The following GLMN variants were observed in gnomAD, a reference collection of about 807,000 sequenced individuals.
The protein encoded by GLMN is glomulin.
In GLMN, 75 loss-of-function variants were observed where a neutral mutation model predicts 87.8. The observed-to-expected ratio is 0.85, with a 90% CI of 0.71 to 1.04. The LOEUF (loss-of-function observed/expected upper bound fraction) is 1.04, where lower values mean the gene tolerates loss of function less well. GLMN is among the 50% of genes least tolerant of loss of function. GLMN has a pLI of 0.00. For missense variants in GLMN, 588 were observed against 658.8 expected (o/e 0.89, Z 1.18); for synonymous variants, 206 against 221.6 (o/e 0.93, Z 0.63).
chr1:92,314,895 A>G, the GLMN span, among the ~76,000 whole-genome samples: 1 of 150,884 alleles, frequency 6.6e-6, no homozygotes, highest in Non-Finnish European at 1.5e-5. Flanking sequence ...AAATACAAAA[A>G]TTAACCGGGC....
At chr1:92,264,291 T>C (rs1394453295) in intron 14 of GLMN, among the ~76,000 whole-genome samples, 2 of 152,004 alleles carry the variant, frequency 1.3e-5, no homozygotes, top group African/African-American at 4.8e-5. Context: ...CCAAGCTGGG[T>C]GACAGGCGTG....
In GLMN at chr1:92,280,886, A is replaced by G. The variant is rs2100987188; in HGVS notation, c.735+5604T>C. 2.0e-5 allele frequency among the ~76,000 whole-genome samples: 3 copies of G among 152,370 alleles called. No individual in the cohort carries two copies. The South Asian group carries it at 6.2e-4, about 32-fold the overall frequency. On this transcript the variant is annotated intron_variant, in intron 7 of 18. Coordinates refer to ENST00000370360, the MANE Select transcript of GLMN (RefSeq NM_053274.3). ...GGTATCAGTGACTGAAGATCCAATT[A>G]ATGAAATAAAGCAAGAAGACAAGAT...
At chr1:92,261,796 T>C (rs1188917005) in intron 16 of GLMN, among the ~76,000 whole-genome samples, 1 of 119,780 alleles carries the variant, frequency 8.3e-6, no homozygotes, top group African/African-American at 3.1e-5. Context: ...GCAGTTTACT[T>C]TGAAATACAT....
At chr1:92,341,291 G>A in the GLMN span, among the ~76,000 whole-genome samples, 1 of 152,144 alleles carries the variant, frequency 6.6e-6, no homozygotes, top group East Asian at 1.9e-4. Flanking sequence ...TTACAGGCAT[G>A]AGCCACCATA....
Position 92,271,589 on chromosome 1 carries a change from T to G in GLMN, c.799A>C (p.Arg267=). 6.2e-7 allele frequency: 1 copy of G among 1,612,448 alleles called. No homozygotes were observed. Among genetic ancestry groups the G allele is most frequent in the Non-Finnish European group, 8.5e-7 (1 of 1,178,640 alleles). Reference sequence around the variant, plus strand: ...TCAAATTCAAGGTAATTCCAAGTTCTCTTTTTCCTTCCATGATTAAAAATC... The same window carrying G: ...TCAAATTCAAGGTAATTCCAAGTTCGCTTTTTCCTTCCATGATTAAAAATC... ...KMIFNHGRKK[R]TWNYLEFEEE... Residue 267 remains arginine (R), a synonymous_variant, in exon 8 of 19, where the codon AGA becomes CGA. Transcript: ENST00000370360.
chr1:92,311,017 A>C, the GLMN span, among the ~76,000 whole-genome samples: 2 of 152,150 alleles, frequency 1.3e-5, no homozygotes, highest in African/African-American at 4.8e-5. Flanking sequence ...CTAAAGCAAA[A>C]CTTCTGTGAA....
the GLMN span, among the ~76,000 whole-genome samples, chr1:92,325,412 C>T: frequency 3.0e-4 from 45 of 152,036 alleles, no homozygotes; most frequent in African/African-American, 1.0e-3. Context: ...AGACATCATC[C>T]AAAACTTATA....
At chr1:92,297,883 C>T in intron 2 of GLMN, 78 bp downstream of exon 2, 1 of 799,938 alleles carries the variant, frequency 1.3e-6, no homozygotes, top group South Asian at 1.5e-5. Flanking sequence ...ATTTGAGTGA[C>T]CACAAATATA....
the GLMN span, among the ~76,000 whole-genome samples, chr1:92,356,636 T>C: frequency 2.0e-5 from 3 of 149,106 alleles, no homozygotes; most frequent in African/African-American, 4.9e-5. Context: ...GGTTTTGCCA[T>C]GTTGGCCAGA....
At chr1:92,294,417 A>C (rs1649791096) in intron 3 of GLMN, among the ~76,000 whole-genome samples, 1 of 152,144 alleles carries the variant, frequency 6.6e-6, no homozygotes, top group African/African-American at 2.4e-5. Context: ...GATGCCTGAA[A>C]CCATGAATAG....
chr1:92,339,201 A>G, the GLMN span, among the ~76,000 whole-genome samples: 1 of 152,118 alleles, frequency 6.6e-6, no homozygotes, highest in Non-Finnish European at 1.5e-5. Flanking sequence ...AAACTTTAGG[A>G]AAAAAATGTT....
At chr1:92,306,263 A>G in the GLMN span, among the ~76,000 whole-genome samples, 2 of 152,224 alleles carry the variant, frequency 1.3e-5, no homozygotes, top group African/African-American at 4.8e-5. Context: ...GTAAGATAAA[A>G]AGAGTTCTAA....
Position 92,289,161 on chromosome 1 carries a change from A to G in GLMN, c.395-10T>C. On this transcript the variant is annotated splice_polypyrimidine_tract_variant and intron_variant, in intron 5 of 18. Coordinates refer to ENST00000370360, the MANE Select transcript of GLMN (RefSeq NM_053274.3). ...TGAAGTTTCTGAATCACTAAAACAG[A>G]GATCAAGTTGTCGCTCATCAAGTAT... 6.8e-7 allele frequency: 1 copy of G among 1,472,254 alleles called. No individual in the cohort carries two copies. The highest frequency in any genetic ancestry group is 9.5e-7 in the Non-Finnish European group (1 of 1,050,612). The allele number at this position is 1,472,254 out of a possible 1,614,324, so 91.2% of individuals were successfully genotyped here.
In GLMN at chr1:92,246,485, G is replaced by A. The variant is rs1161877318; in HGVS notation, c.*45C>T. The A allele has an allele frequency of 1.2e-5, 10 of 858,298 alleles. No homozygotes were observed. The highest frequency in any genetic ancestry group is 2.0e-5 in the Non-Finnish European group (10 of 505,376). 53.2% of individuals were successfully genotyped at this position (858,298 alleles called of 1,614,324 possible). On this transcript the variant is annotated 3_prime_UTR_variant, in exon 19 of 19. Coordinates refer to ENST00000370360, the MANE Select transcript of GLMN (RefSeq NM_053274.3). ...ATAAAGGTATTAAATGAATCATAATGGAAAGTACTATATTTTATTAGTTTT... is the reference window on the plus strand; with the variant it reads ...ATAAAGGTATTAAATGAATCATAATAGAAAGTACTATATTTTATTAGTTTT...
At chr1:92,322,733 C>G in the GLMN span, among the ~76,000 whole-genome samples, 4 of 149,676 alleles carry the variant, frequency 2.7e-5, no homozygotes, top group African/African-American at 9.8e-5. Context: ...AAAAATTAGC[C>G]AGGCGTGGTG....
intron 4 of GLMN, among the ~76,000 whole-genome samples, chr1:92,291,160 T>C (rs1019484049): frequency 3.9e-5 from 6 of 152,178 alleles, no homozygotes; most frequent in African/African-American, 1.2e-4. Context: ...TTCCCAGGTC[T>C]CTCCCTGGAG....
chr1:92,297,672 A>T, intron 2 of GLMN, 143 bp from the exon 3 acceptor site: 1 of 745,796 alleles, frequency 1.3e-6, no homozygotes, highest in Middle Eastern at 3.9e-4. Context: ...TAACACACGT[A>T]TCAAAATTAG....
At chr1:92,353,423 A>C in the GLMN span, among the ~76,000 whole-genome samples, 1 of 152,226 alleles carries the variant, frequency 6.6e-6, no homozygotes, top group African/African-American at 2.4e-5. Flanking sequence ...AAATATGCCT[A>C]ATCTCATTGA....
chr1:92,324,082 G>A, the GLMN span: 32 of 1,614,086 alleles, frequency 2.0e-5, no homozygotes, highest in East Asian at 6.0e-4. Flanking sequence ...GTTTTTGTAT[G>A]GCCAGAATTA....
Sources: gnomAD v4.1 joint callset for allele counts (sites outside exome capture counted in the v4.1 genomes callset) on GRCh38, gnomAD v4.1.1 for gene constraint, MANE v1.5 for transcripts, NCBI Gene and HGNC (gene_info 2026-07-23, HGNC 2026-07-21) for gene names.